Variants in KDM5B observed in about 807,000 individuals in gnomAD.
The protein encoded by KDM5B is lysine demethylase 5B.
Under a neutral mutation model 193.4 loss-of-function variants are expected in KDM5B, and 144 were observed. The ratio of observed to expected loss-of-function variants is 0.74; its 90% CI spans 0.65 to 0.86. KDM5B has a LOEUF of 0.86. Ranked by LOEUF, KDM5B falls within the 40% of genes least tolerant of loss-of-function variation. The pLI is 0.00. For synonymous variants in KDM5B, 668 were observed against 682.6 expected, an observed-to-expected ratio of 0.98 and a Z score of 0.33; for missense variants, 1,833 against 1,886.9, an observed-to-expected ratio of 0.97 and a Z score of 0.53.
intron 23 of KDM5B, 76 bp downstream of exon 23, chr1:202,733,325 C>G (rs914148523): frequency 6.6e-7 from 1 of 1,523,690 alleles, no homozygotes; most frequent in African/African-American, 1.4e-5. Context: ...AATAGCAACA[C>G]CAAAGCTACA....
At chr1:202,784,092 C>T (rs1657309698) in intron 1 of KDM5B, among the ~76,000 whole-genome samples, 2 of 152,120 alleles carry the variant, frequency 1.3e-5, no homozygotes, top group Non-Finnish European at 2.9e-5. Flanking sequence ...ACTGTGAGAA[C>T]AACTTTCAAA....
chr1:202,746,481 A>T (rs1655566158), intron 14 of KDM5B, 158 bp from the exon 15 acceptor site: 1 of 530,984 alleles, frequency 1.9e-6, no homozygotes. Context: ...GAAACAAATG[A>T]CCTAGCAAAT....
chr1:202,764,613 T>A (rs1183721186), intron 5 of KDM5B, among the ~76,000 whole-genome samples: 2 of 151,282 alleles, frequency 1.3e-5, no homozygotes, highest in Non-Finnish European at 2.9e-5. Flanking sequence ...CCAGCCTGGG[T>A]GACAGAGCAA....
intron 4 of KDM5B, among the ~76,000 whole-genome samples, chr1:202,771,822 C>T (rs926987336): frequency 6.6e-6 from 1 of 152,118 alleles, no homozygotes; most frequent in Non-Finnish European, 1.5e-5. Flanking sequence ...CCTCATGATC[C>T]ACCCACCTTG....
chr1:202,729,561 A>G (rs761869848), intron 26 of KDM5B, 146 bp downstream of exon 26: 1 of 663,288 alleles, frequency 1.5e-6, no homozygotes, highest in South Asian at 2.0e-5. Context: ...AAGAGCACAG[A>G]TATCAGTGGG....
chr1:202,756,641 G>C, intron 9 of KDM5B, 125 bp from the exon 10 acceptor site: 8 of 623,446 alleles, frequency 1.3e-5, no homozygotes, highest in Non-Finnish European at 1.7e-5. Flanking sequence ...TTCTATAATT[G>C]ATCTTAGGCA....
rs1328225373 is a variant in KDM5B at position 202,742,673 on chromosome 1, T to C, written c.2456A>G (p.Asn819Ser). ...KCASVAQQLL[N>S]GKRQTRYRSG... ...CGCATACCTAGTTTGCCTTTTGCCA[T>C]TAAGCAACTGCTGCGCAACAGAGGC... Residue 819 changes from asparagine (N) to serine (S), a missense_variant, in exon 17 of 27, where the codon AAT (asparagine) becomes AGT (serine). By Grantham distance (46) the Asn-to-Ser change is conservative (BLOSUM62 1). Around this residue, in one of 3 missense-constraint regions of KDM5B, gnomAD observed 1,379 missense variants for 1,349.6 expected, o/e 1.02. Coordinates refer to ENST00000367265, the MANE Select transcript of KDM5B (RefSeq NM_006618.5). 1.9e-6 allele frequency: 3 copies of C among 1,613,984 alleles called. No homozygotes were observed. Among genetic ancestry groups the C allele is most frequent in the East Asian group, 2.2e-5 (1 of 44,884 alleles).
At chr1:202,770,369 C>T (rs1656662103) in intron 4 of KDM5B, among the ~76,000 whole-genome samples, 1 of 152,090 alleles carries the variant, frequency 6.6e-6, no homozygotes, top group Non-Finnish European at 1.5e-5. Context: ...TTTTCTCAAG[C>T]TTCCTGAAAT....
At position 202,740,773 on chromosome 1, in the gene KDM5B, C is replaced by G; in HGVS notation, c.2985G>C (p.Lys995Asn). ...HSLNSLATAV[K>N]EIEEIPAYLP... ...GATATGCAGGGATCTCTTCGATTTC[C>G]TTTACTGCCGTAGCAAGGCTATTCA... Residue 995 changes from lysine (K) to asparagine (N), a missense_variant, in exon 20 of 27, where the codon AAG (lysine) becomes AAC (asparagine). Physicochemically the swap from Lys to Asn is moderately conservative, Grantham distance 94. This residue lies in a region of KDM5B where 1,379 missense variants were observed against 1,349.6 expected (regional missense o/e 1.02). Coordinates refer to ENST00000367265, the MANE Select transcript of KDM5B (RefSeq NM_006618.5). 1 of 1,612,866 alleles carries G rather than the reference C, an allele frequency of 6.2e-7. No homozygotes were observed. Among genetic ancestry groups the G allele is most frequent in the Non-Finnish European group, 8.5e-7 (1 of 1,179,914 alleles).
intron 2 of KDM5B, among the ~76,000 whole-genome samples, chr1:202,776,642 G>C (rs1299676106): frequency 2.0e-5 from 3 of 152,086 alleles, no homozygotes; most frequent in Non-Finnish European, 4.4e-5. Context: ...GCTCACTACA[G>C]TCTTGACCTC....
chr1:202,760,333 TAAAATAA>T (rs1348175187), intron 8 of KDM5B, 75 bp downstream of exon 8: 1 of 960,688 alleles, frequency 1.0e-6, no homozygotes, highest in Non-Finnish European at 1.5e-6. Context: ...TAAAATAAAA[TAAAATAA>T]AAAATAAAAC....
At chr1:202,775,276 G>A (rs1656893086) in intron 2 of KDM5B, among the ~76,000 whole-genome samples, 1 of 151,954 alleles carries the variant, frequency 6.6e-6, no homozygotes, top group Admixed American at 6.6e-5. Flanking sequence ...AGTGGCTCAT[G>A]GCTGTAATCC....
At chr1:202,765,848 T>C (rs1205675671) in intron 5 of KDM5B, among the ~76,000 whole-genome samples, 1 of 152,194 alleles carries the variant, frequency 6.6e-6, no homozygotes, top group African/African-American at 2.4e-5. Flanking sequence ...CAGTTCCCTA[T>C]ATATTATCTC....
In KDM5B at chr1:202,741,738, C is replaced by T. The variant is rs772791937; in HGVS notation, c.2590-16G>A. On this transcript the variant is annotated splice_polypyrimidine_tract_variant and intron_variant, in intron 18 of 26. Coordinates refer to ENST00000367265, the MANE Select transcript of KDM5B (RefSeq NM_006618.5). ...TCAAGAGATCCTAAAAAAAAATACA[C>T]AGGTTGTTGCATTAAAACAGTAATT... is the stretch of plus-strand genomic sequence containing the variant. 29 of 1,451,240 alleles carry T rather than the reference C, an allele frequency of 2.0e-5. 2 individuals are homozygous for T. In the South Asian group the frequency reaches 3.2e-4, roughly 16 times the overall value. 89.9% of individuals were successfully genotyped at this position (1,451,240 alleles called of 1,614,324 possible). A position where few individuals can be genotyped will look rare whatever the true frequency, so the allele number is the denominator to read the frequency against.
In KDM5B at chr1:202,756,339, A is replaced by T. The variant is rs577927536; in HGVS notation, c.1356+19T>A. ...AATTTCAATAAATACCTCAATTTCC[A>T]AGCCACTTATATGCCTACCTCTTCC... On this transcript the variant is annotated intron_variant, in intron 10 of 26. Coordinates refer to ENST00000367265, the MANE Select transcript of KDM5B (RefSeq NM_006618.5). The T allele has an allele frequency of 8.3e-6, 13 of 1,565,710 alleles. No homozygotes were observed. In the South Asian group the frequency reaches 1.5e-4, roughly 19 times the overall value.
chr1:202,739,439 CTCT>C (rs1429875457), intron 20 of KDM5B, among the ~76,000 whole-genome samples: 1 of 140,530 alleles, frequency 7.1e-6, no homozygotes, highest in African/African-American at 2.5e-5. Context: ...TCCAATATTG[CTCT>C]TTTTTTTTTT....
chr1:202,741,257 A>G, intron 19 of KDM5B, 110 bp downstream of exon 19: 1 of 656,416 alleles, frequency 1.5e-6, no homozygotes, highest in Non-Finnish European at 2.4e-6. Context: ...TTCCACATGC[A>G]TAATAACCGC....
rs773522879 is a variant in KDM5B at position 202,774,739 on chromosome 1, A to G, written c.283-4T>C. The G allele has an allele frequency of 6.2e-7, 1 of 1,612,018 alleles. No homozygotes were observed. The highest frequency in any genetic ancestry group is 8.5e-7 in the Non-Finnish European group (1 of 1,178,866). On this transcript the variant is annotated splice_polypyrimidine_tract_variant and splice_region_variant and intron_variant, in intron 2 of 26. Coordinates refer to ENST00000367265, the MANE Select transcript of KDM5B (RefSeq NM_006618.5). ...TCAATTTTACACGAGTTTGGGCCTA[A>G]AAGACAAAGAATTGAGTTTTCATCT...
chr1:202,759,304 T>C (rs145211682), intron 8 of KDM5B, among the ~76,000 whole-genome samples: 20 of 152,222 alleles, frequency 1.3e-4, no homozygotes, highest in African/African-American at 3.9e-4. Flanking sequence ...TTTGGGAGGC[T>C]GGGGCAGGAG....
Sources: allele counts gnomAD v4.1 joint callset (sites outside exome capture counted in the v4.1 genomes callset), GRCh38; gene constraint gnomAD v4.1.1; regional missense constraint gnomAD v4.1.1; transcripts MANE v1.5; gene names NCBI Gene and HGNC (gene_info 2026-07-23, HGNC 2026-07-21).